ZBTB45: variants seen among roughly 807,000 people sequenced by gnomAD.
ZBTB45 encodes zinc finger and BTB domain-containing protein 45.
Under a neutral mutation model 28.4 loss-of-function variants are expected in ZBTB45, and 22 were observed. The observed-to-expected ratio is 0.77, with a 90% confidence interval of 0.55 to 1.10. The LOEUF (loss-of-function observed/expected upper bound fraction) is 1.10. Among genes scored for constraint, ZBTB45 ranks in the 50% least tolerant of loss-of-function variants. ZBTB45 has a pLI of 0.00. For missense variants in ZBTB45, 656 were observed against 750.2 expected, an observed-to-expected ratio of 0.87 and a Z score of 1.47; for synonymous variants, 361 against 332.3, an observed-to-expected ratio of 1.09 and a Z score of -0.94.
Position 58,517,544 on chromosome 19 carries a change from G to C in ZBTB45, c.130C>G (p.Leu44Val). 6.2e-7 allele frequency: 1 copy of C among 1,613,674 alleles called. No individual in the cohort carries two copies. The highest frequency in any genetic ancestry group is 8.5e-7 in the Non-Finnish European group (1 of 1,179,986). The change falls in exon 2 of 3, where the codon CTG becomes GTG. Residue 44 changes from leucine (L) to valine (V), a missense_variant. Coordinates refer to ENST00000594051, the MANE Select transcript of ZBTB45 (RefSeq NM_001316979.2). ...DVTVRIREAS[L>V]RAHRCVLAAG... ...GCCAGCACGCAGCGGTGGGCACGCA[G>C]CGAAGCTTCACGAATGCGCACAGTC...
intron 1 of ZBTB45, among the ~76,000 whole-genome samples, chr19:58,529,467 G>C (rs1163761616): frequency 6.6e-6 from 1 of 152,170 alleles, no homozygotes; most frequent in South Asian, 2.1e-4. Flanking sequence ...GTGCCTTCTA[G>C]TATAGTCACA....
At chr19:58,523,263 C>A (rs573758079), upstream of ZBTB45, among the ~76,000 whole-genome samples, 1 of 144,488 alleles carries the variant, frequency 6.9e-6, no homozygotes, top group Non-Finnish European at 1.6e-5. Flanking sequence ...GGCGTGGTGG[C>A]GTCTGTGGTG....
rs562208633 is a variant in ZBTB45 at position 58,530,895 on chromosome 19, G to C, written c.-1+7806C>G. ...AGATGGGATTTCACTGTGTTAGCCA[G>C]GATGGTCTCGATCTCCCGACCTCAT... On this transcript the variant is annotated intron_variant, in intron 1 of 1. Coordinates refer to the ZBTB45 transcript ENST00000600130. Among the ~76,000 whole-genome samples, 37 of 152,204 alleles carry C rather than the reference G, an allele frequency of 2.4e-4. 1 individual carries two copies. The South Asian group carries it at 6.6e-3, about 27-fold the overall frequency.
Position 58,517,438 on chromosome 19 carries a change from G to C in ZBTB45, c.236C>G (p.Thr79Arg), listed in dbSNP as rs766517472. 14 of 1,612,914 alleles carry C rather than the reference G, an allele frequency of 8.7e-6. No homozygotes were observed. The South Asian group carries it at 1.4e-4, about 16-fold the overall frequency. Reference protein sequence around the residue: ...IRVPPVVPAQTVRQLVEFLYS... With the variant: ...IRVPPVVPAQRVRQLVEFLYS... ...CAGGAACTCTACCAGCTGTCGCACT[G>C]TCTGCGCGGGCACCACCGGAGGCAC... The change falls in exon 2 of 3, where the codon ACA becomes AGA. Residue 79 changes from threonine to arginine, a missense_variant. Coordinates refer to ENST00000594051, the MANE Select transcript of ZBTB45 (RefSeq NM_001316979.2).
At chr19:58,528,342 C>T (rs1032864494) in intron 1 of ZBTB45, among the ~76,000 whole-genome samples, 4 of 152,026 alleles carry the variant, frequency 2.6e-5, no homozygotes, top group East Asian at 1.9e-4. Context: ...TTTGTTGGTG[C>T]GCTCTCGGGG....
intron 1 of ZBTB45, among the ~76,000 whole-genome samples, chr19:58,531,267 A>C (rs903953692): frequency 2.0e-5 from 3 of 152,162 alleles, no homozygotes; most frequent in South Asian, 2.1e-4. Flanking sequence ...CCATTTGTAT[A>C]TGTTCTTTGA....
At position 58,514,122 on chromosome 19, in the gene ZBTB45, C is replaced by T; in HGVS notation, c.1468G>A (p.Ala490Thr). 6.3e-7 allele frequency: 1 copy of T among 1,595,494 alleles called. No homozygotes were observed. The highest frequency in any genetic ancestry group is 8.5e-7 in the Non-Finnish European group (1 of 1,171,156). The change falls in exon 3 of 3, where the codon GCC (alanine) becomes ACC (threonine). Residue 490 changes from alanine (A) to threonine (T), a missense_variant. Ala to Thr is a moderately conservative substitution (Grantham distance 58). Transcript: ENST00000594051. ...CGGTGCGAGAAGACCTTGCCGCAGGCGGGGCAGGGCGCGCGCTCGGGCCGG... is the reference window on the plus strand; with the variant it reads ...CGGTGCGAGAAGACCTTGCCGCAGGTGGGGCAGGGCGCGCGCTCGGGCCGG... ...THRPERAPCPACGKVFSHRAL... is the reference protein window; with the variant it reads ...THRPERAPCPTCGKVFSHRAL...
At chr19:58,523,349 C>T (rs2053588460), upstream of ZBTB45, among the ~76,000 whole-genome samples, 1 of 151,996 alleles carries the variant, frequency 6.6e-6, no homozygotes, top group Non-Finnish European at 1.5e-5. Flanking sequence ...AGTTCGAGAC[C>T]ACCCTGGCCA....
chr19:58,517,454 C>T lies in ZBTB45; in HGVS notation c.220G>A (p.Val74Met). 1 of 1,613,164 alleles carries T rather than the reference C, an allele frequency of 6.2e-7. No homozygotes were observed. The highest frequency in any genetic ancestry group is 1.1e-5 in the South Asian group (1 of 91,082). The change falls in exon 2 of 3, where the codon GTG becomes ATG. Residue 74 changes from valine (V) to methionine (M), a missense_variant. Coordinates refer to ENST00000594051, the MANE Select transcript of ZBTB45 (RefSeq NM_001316979.2). The stretch of plus-strand genomic sequence containing the variant: ...TGTCGCACTGTCTGCGCGGGCACCA[C>T]CGGAGGCACACGGATCTCAGAGTGG... Reference protein sequence around the residue: ...LGHSEIRVPPVVPAQTVRQLV... With the variant: ...LGHSEIRVPPMVPAQTVRQLV...
Position 58,516,911 on chromosome 19 carries a change from C to T in ZBTB45, c.763G>A (p.Glu255Lys), listed in dbSNP as rs1410874671. Residue 255 changes from glutamate to lysine, a missense_variant, in exon 2 of 3, where the codon GAG becomes AAG. Around this residue, in one of 3 missense-constraint regions of ZBTB45, gnomAD observed 448 missense variants for 444.3 expected, o/e 1.01. Transcript: ENST00000594051. The surrounding 1 kb of genome is among the most constrained non-coding windows in gnomAD (Gnocchi z 6.2). ...GCGAGGCCAGTGGGTGCAGGGGGCT[C>T]CTCGCACGCGCTGTCAGCAGCAGCA... ...LTAAADSACE[E>K]PPAPTGLADY... The T allele has an allele frequency of 3.1e-6, 5 of 1,613,220 alleles. No homozygotes were observed. The highest frequency in any genetic ancestry group is 3.4e-6 in the Non-Finnish European group (4 of 1,180,030).
At chr19:58,520,067 C>A (rs560402495), upstream of ZBTB45, 1 of 152,314 alleles carries the variant, frequency 6.6e-6, no homozygotes, top group Admixed American at 6.5e-5. Context: ...CCGCAAGCTC[C>A]CTGTGATGCA....
At chr19:58,514,331 C>G (rs1189922462) in intron 2 of ZBTB45, 21 bp from the exon 3 acceptor site, 21 of 1,583,158 alleles carry the variant, frequency 1.3e-5, no homozygotes, top group Non-Finnish European at 1.8e-5. Flanking sequence ...CAGGGCGGGC[C>G]GCGAACGCAA....
At chr19:58,538,879 A>C (rs986508580) in exon 1 of ZBTB45, 3 of 152,186 alleles carry the variant, frequency 2.0e-5, no homozygotes, top group Non-Finnish European at 1.5e-5. Flanking sequence ...CCCCGGGGCC[A>C]GCCTCAATGC....
At chr19:58,522,895 A>G (rs952050745), upstream of ZBTB45, among the ~76,000 whole-genome samples, 1 of 152,150 alleles carries the variant, frequency 6.6e-6, no homozygotes. Context: ...GCCATGTCCC[A>G]TTAGCCCCAT....
intron 1 of ZBTB45, among the ~76,000 whole-genome samples, chr19:58,533,382 T>C (rs910414077): frequency 6.6e-6 from 1 of 152,102 alleles, no homozygotes; most frequent in Non-Finnish European, 1.5e-5. Flanking sequence ...GAGGACACAA[T>C]TCAGTCCACA....
Position 58,517,407 on chromosome 19 carries a change from G to A in ZBTB45, c.267C>T (p.Ser89=), listed in dbSNP as rs774680990. 26 of 1,612,818 alleles carry A rather than the reference G, an allele frequency of 1.6e-5. No individual in the cohort carries two copies. Among genetic ancestry groups the A allele is most frequent in the African/African-American group, 1.3e-4 (10 of 74,916 alleles). ...TVRQLVEFLY[S]GSLVVAQGEA... ...CACCCTGCGCCACAACGAGCGAACCGCTGTACAGGAACTCTACCAGCTGTC... is the reference window on the plus strand; with the variant it reads ...CACCCTGCGCCACAACGAGCGAACCACTGTACAGGAACTCTACCAGCTGTC... The change falls in exon 2 of 3, where the codon AGC becomes AGT. Residue 89 remains serine, a synonymous_variant. Transcript: ENST00000594051.
At chr19:58,538,217 TTTTC>T (rs2053671275) in intron 1 of ZBTB45, among the ~76,000 whole-genome samples, 1 of 151,306 alleles carries the variant, frequency 6.6e-6, no homozygotes, top group African/African-American at 2.4e-5. Flanking sequence ...TTTTCTTTTC[TTTTC>T]TTTTTTTTTT....
At chr19:58,531,459 C>T (rs945540658) in intron 1 of ZBTB45, among the ~76,000 whole-genome samples, 3 of 152,202 alleles carry the variant, frequency 2.0e-5, no homozygotes, top group African/African-American at 7.2e-5. Flanking sequence ...CCACACCCTC[C>T]ATGTACCTCA....
At chr19:58,536,767 G>A (rs1311683595) in intron 1 of ZBTB45, among the ~76,000 whole-genome samples, 2 of 152,188 alleles carry the variant, frequency 1.3e-5, no homozygotes, top group African/African-American at 2.4e-5. Context: ...GGGGTTTGGG[G>A]AAGAGAGGGT....
Sources: allele counts gnomAD v4.1 joint callset (sites outside exome capture counted in the v4.1 genomes callset), GRCh38; gene constraint gnomAD v4.1.1; regional missense constraint gnomAD v4.1.1; non-coding constraint Gnocchi (gnomAD v3.1); transcripts MANE v1.5; gene names NCBI Gene and HGNC (gene_info 2026-07-23, HGNC 2026-07-21).